SPATS2L: variants seen among roughly 807,000 people sequenced by gnomAD.
The protein encoded by SPATS2L is SPATS2-like protein.
In SPATS2L, 30 loss-of-function variants were observed where a neutral mutation model predicts 59.6. The ratio of observed to expected loss-of-function variants is 0.50; its 90% CI spans 0.38 to 0.68. The LOEUF (loss-of-function observed/expected upper bound fraction) is 0.68, where lower values mean the gene tolerates loss of function less well. Ranked by LOEUF, SPATS2L falls within the 30% of genes least tolerant of loss-of-function variation. SPATS2L has a pLI of 0.00. For missense variants in SPATS2L, 615 were observed against 700.0 expected (o/e 0.88, Z 1.37); for synonymous variants, 252 against 263.5 (o/e 0.96, Z 0.42).
At chr2:200,325,960 C>T (rs1203166608) in intron 1 of SPATS2L, among the ~76,000 whole-genome samples, 1 of 152,208 alleles carries the variant, frequency 6.6e-6, no homozygotes, top group Non-Finnish European at 1.5e-5. Flanking sequence ...CTGTGCTAAG[C>T]ACTTAAAATA....
upstream of SPATS2L, chr2:200,306,560 G>C: frequency 1.0e-6 from 1 of 1,002,262 alleles, no homozygotes; most frequent in Non-Finnish European, 1.2e-6. Flanking sequence ...CGCTGTGTTT[G>C]CGAGCGGGAG....
At chr2:200,365,080 GT>G (rs960269644) in intron 2 of SPATS2L, among the ~76,000 whole-genome samples, 9 of 152,272 alleles carry the variant, frequency 5.9e-5, no homozygotes, top group African/African-American at 2.2e-4. Context: ...AAAGCCACAG[GT>G]TTTCCTCTGT....
At chr2:200,358,509 C>T (rs574031451) in intron 2 of SPATS2L, among the ~76,000 whole-genome samples, 3 of 152,262 alleles carry the variant, frequency 2.0e-5, no homozygotes, top group Non-Finnish European at 1.5e-5. Context: ...TATTGGTCTT[C>T]ATCTTGTGGT....
intron 6 of SPATS2L, among the ~76,000 whole-genome samples, chr2:200,421,053 G>T (rs919516609): frequency 6.6e-6 from 1 of 152,116 alleles, no homozygotes; most frequent in South Asian, 2.1e-4. Flanking sequence ...AATCAGTGGC[G>T]TTTTAAACTC....
At chr2:200,370,568 A>G (rs1377575963) in intron 2 of SPATS2L, among the ~76,000 whole-genome samples, 2 of 152,168 alleles carry the variant, frequency 1.3e-5, no homozygotes, top group African/African-American at 4.8e-5. Flanking sequence ...AATGGTGATG[A>G]TTTTGATGAA....
rs73986828 is a variant in SPATS2L at position 200,322,500 on chromosome 2, A to G, written c.-72-6931A>G. Among the ~76,000 whole-genome samples, 402 of 152,346 alleles carry G rather than the reference A, an allele frequency of 2.6e-3. 1 individual carries two copies. Among genetic ancestry groups the G allele is most frequent in the African/African-American group, 9.4e-3 (391 of 41,582 alleles). On this transcript the variant is annotated intron_variant, in intron 1 of 12. Coordinates refer to ENST00000409140, the MANE Select transcript of SPATS2L (RefSeq NM_001100423.2). ...GAGCTGTAATAATTGCTATAGGTATAAGTATAGGTATACGAGAGACAAAGT... is the reference window on the plus strand; with the variant it reads ...GAGCTGTAATAATTGCTATAGGTATGAGTATAGGTATACGAGAGACAAAGT...
intron 8 of SPATS2L, among the ~76,000 whole-genome samples, chr2:200,448,283 A>G (rs958676917): frequency 6.6e-6 from 1 of 152,130 alleles, no homozygotes; most frequent in Non-Finnish European, 1.5e-5. Context: ...CTCTACTAAA[A>G]ATACAAAAAT....
intron 1 of SPATS2L, among the ~76,000 whole-genome samples, chr2:200,325,171 T>C (rs2079693408): frequency 6.6e-6 from 1 of 152,210 alleles, no homozygotes; most frequent in Admixed American, 6.5e-5. Context: ...AACAATTCCA[T>C]AATTTATTTT....
intron 2 of SPATS2L, among the ~76,000 whole-genome samples, chr2:200,334,693 G>A (rs2080079596): frequency 1.3e-5 from 2 of 151,998 alleles, no homozygotes; most frequent in South Asian, 2.1e-4. Flanking sequence ...TTTTGTATAA[G>A]GTGTAAGGAA....
intron 3 of SPATS2L, among the ~76,000 whole-genome samples, chr2:200,408,304 C>G (rs534005698): frequency 3.3e-5 from 5 of 152,252 alleles, no homozygotes; most frequent in Non-Finnish European, 7.4e-5. Flanking sequence ...CCAATTGTTG[C>G]TGGCGTTGAA....
In SPATS2L at chr2:200,349,605, T is replaced by A. The variant is rs570662352; in HGVS notation, c.-23+20125T>A. Among the ~76,000 whole-genome samples, 6 of 152,276 alleles carry A rather than the reference T, an allele frequency of 3.9e-5. No homozygotes were observed. The South Asian group carries it at 1.2e-3, about 32-fold the overall frequency. On this transcript the variant is annotated intron_variant, in intron 2 of 12. Coordinates refer to ENST00000409140, the MANE Select transcript of SPATS2L (RefSeq NM_001100423.2). Reference sequence around the variant, plus strand: ...GTGAGCTGAGATGGCGCCACTGCACTCCAGCCTGGACAACAGAGCAAGACT... The same window carrying A: ...GTGAGCTGAGATGGCGCCACTGCACACCAGCCTGGACAACAGAGCAAGACT...
chr2:200,401,423 G>A (rs903185451), intron 3 of SPATS2L, among the ~76,000 whole-genome samples: 1 of 152,178 alleles, frequency 6.6e-6, no homozygotes, highest in Non-Finnish European at 1.5e-5. Flanking sequence ...GAGAGAGAGC[G>A]TGCCCTCTCG....
intron 2 of SPATS2L, among the ~76,000 whole-genome samples, chr2:200,357,618 A>G (rs1165941798): frequency 6.6e-6 from 1 of 152,144 alleles, no homozygotes; most frequent in African/African-American, 2.4e-5. Flanking sequence ...CTTTTTCCAT[A>G]CTCCAGCACA....
intron 1 of SPATS2L, among the ~76,000 whole-genome samples, chr2:200,319,839 G>T (rs1156686100): frequency 6.6e-6 from 1 of 152,170 alleles, no homozygotes; most frequent in Non-Finnish European, 1.5e-5. Flanking sequence ...AGTGAATCAT[G>T]TGTGCCTACT....
intron 6 of SPATS2L, 36 bp from the exon 7 acceptor site, chr2:200,439,086 A>G: frequency 6.4e-7 from 1 of 1,567,704 alleles, no homozygotes; most frequent in Non-Finnish European, 8.8e-7. Flanking sequence ...TTTTTAGTTT[A>G]TCACTTCACA....
intron 3 of SPATS2L, among the ~76,000 whole-genome samples, chr2:200,407,525 C>A (rs936909908): frequency 6.6e-6 from 1 of 152,158 alleles, no homozygotes; most frequent in African/African-American, 2.4e-5. Context: ...TCTTTGTATC[C>A]TCAGCTCCTG....
intron 10 of SPATS2L, among the ~76,000 whole-genome samples, chr2:200,468,378 A>ACACACACACACACACACACACACACAC (rs1187268085): frequency 6.6e-6 from 1 of 151,280 alleles, no homozygotes; most frequent in Admixed American, 6.6e-5. Context: ...ACACACACAC[A>ACACACACACACACACACACACACACAC]CGCCTTCCAG....
chr2:200,330,518 G>C (rs1440370940), intron 2 of SPATS2L, among the ~76,000 whole-genome samples: 1 of 152,170 alleles, frequency 6.6e-6, no homozygotes, highest in Non-Finnish European at 1.5e-5. Context: ...AACAACTGTT[G>C]ATTTTCTGTC....
chr2:200,382,311 G>A (rs1453746055), intron 2 of SPATS2L, among the ~76,000 whole-genome samples: 3 of 152,142 alleles, frequency 2.0e-5, no homozygotes. Flanking sequence ...CTGACCTTAG[G>A]TGATCCACCC....
Sources: gnomAD v4.1 joint callset for allele counts (sites outside exome capture counted in the v4.1 genomes callset) on GRCh38, gnomAD v4.1.1 for gene constraint, MANE v1.5 for transcripts, NCBI Gene and HGNC (gene_info 2026-07-23, HGNC 2026-07-21) for gene names.